The following CFAP54 variants were observed in gnomAD, a reference collection of about 807,000 sequenced individuals.
CFAP54 encodes the protein cilia and flagella associated protein 54.
In CFAP54, 290 loss-of-function variants were observed where a neutral mutation model predicts 370.4. The ratio of observed to expected loss-of-function variants is 0.78; its 90% confidence interval spans 0.71 to 0.86. CFAP54 has a LOEUF of 0.86. CFAP54 is among the 40% of genes least tolerant of loss of function. CFAP54 has a pLI of 0.00. For synonymous variants in CFAP54, 1,206 were observed against 1,236.5 expected (o/e 0.98, Z 0.52); for missense variants, 3,399 against 3,528.7 (o/e 0.96, Z 0.93).
At position 96,777,443 on chromosome 12, in the gene CFAP54, G is replaced by A. The variant is rs543072433; in HGVS notation, c.8282-7274G>A. Among the ~76,000 whole-genome samples the A allele has an allele frequency of 4.2e-3, 631 of 151,504 alleles. 5 individuals are homozygous for A. The highest frequency in any genetic ancestry group is 6.7e-3 in the Non-Finnish European group (454 of 67,900). ...CGCCTCCCTGCAACCTCCGCCTCCCGGGTTCAAGTGATTCTCCTGCCTCAG... is the reference window on the plus strand; with the variant it reads ...CGCCTCCCTGCAACCTCCGCCTCCCAGGTTCAAGTGATTCTCCTGCCTCAG... On this transcript the variant is annotated intron_variant, in intron 60 of 67. Coordinates refer to ENST00000524981, the MANE Select transcript of CFAP54 (RefSeq NM_001306084.2).
chr12:96,678,778 G>A lies in CFAP54; in HGVS notation c.5564-822G>A, dbSNP rs188385533. Among the ~76,000 whole-genome samples, 539 of 152,174 alleles carry A rather than the reference G, an allele frequency of 3.5e-3. 3 individuals carry two copies. The highest frequency in any genetic ancestry group is 5.3e-3 in the Non-Finnish European group (360 of 68,012). On this transcript the variant is annotated intron_variant, in intron 39 of 67. Coordinates refer to ENST00000524981, the MANE Select transcript of CFAP54 (RefSeq NM_001306084.2). ...GACTTTATTACTCCAGTGTTGGAGT[G>A]TCCCATCCCTTCAGCTAGATAGTGA...
chr12:96,573,299 A>G (rs1045941668), intron 19 of CFAP54, among the ~76,000 whole-genome samples: 3 of 152,238 alleles, frequency 2.0e-5, no homozygotes, highest in Non-Finnish European at 4.4e-5. Context: ...TTAATGTTCA[A>G]AATATAATAG....
chr12:96,832,177 T>C (rs1959173070), intron 66 of CFAP54, among the ~76,000 whole-genome samples: 1 of 152,070 alleles, frequency 6.6e-6, no homozygotes. Context: ...CTGTCATCCA[T>C]GTAAGACATG....
Position 96,743,878 on chromosome 12 carries a change from T to C in CFAP54, c.7525T>C (p.Leu2509=). 6.2e-7 allele frequency: 1 copy of C among 1,613,688 alleles called. No homozygotes were observed. The highest frequency in any genetic ancestry group is 8.5e-7 in the Non-Finnish European group (1 of 1,179,836). Reference sequence around the variant, plus strand: ...TTCAAAAACAGGAAAATTAAATTTGTTAACTCGGGCTCATAGCATTCTAAC... The same window carrying C: ...TTCAAAAACAGGAAAATTAAATTTGCTAACTCGGGCTCATAGCATTCTAAC... ...PSSKTGKLNL[L]TRAHSILTEQ... is the part of the protein sequence containing the mutation. The change falls in exon 54 of 68, where the codon TTA becomes CTA. Residue 2509 remains leucine, a synonymous_variant. Transcript: ENST00000524981.
intron 25 of CFAP54, among the ~76,000 whole-genome samples, chr12:96,595,954 T>A (rs1316551891): frequency 6.6e-6 from 1 of 152,180 alleles, no homozygotes; most frequent in Non-Finnish European, 1.5e-5. Context: ...TTCAATGTAC[T>A]TCACATTTCT....
At chr12:96,603,995 C>G (rs552651445) in intron 26 of CFAP54, among the ~76,000 whole-genome samples, 1 of 152,296 alleles carries the variant, frequency 6.6e-6, no homozygotes, top group African/African-American at 2.4e-5. Context: ...GGTTTTGTCC[C>G]CTTGCTGGTG....
intron 14 of CFAP54, among the ~76,000 whole-genome samples, chr12:96,541,270 T>C (rs1370881676): frequency 6.6e-6 from 1 of 151,442 alleles, no homozygotes; most frequent in Non-Finnish European, 1.5e-5. Context: ...CTTTCTTTCT[T>C]TTTTCACTTT....
chr12:96,664,759 A>C (rs1286632510), intron 39 of CFAP54, among the ~76,000 whole-genome samples: 9 of 26,122 alleles, frequency 3.4e-4, no homozygotes, highest in South Asian at 1.3e-3. Context: ...ATATATCTAT[A>C]TATATCTATA....
In CFAP54 at chr12:96,724,124, C is replaced by T. The variant is rs369264342; in HGVS notation, c.6965+3559C>T. 4.4e-4 allele frequency among the ~76,000 whole-genome samples: 66 copies of T among 150,734 alleles called. No homozygotes were observed. The East Asian group carries it at 8.5e-3, about 19-fold the overall frequency. ...AAGTCTTTGCTATTGTGAATAGTGC[C>T]GCAATAAACATACATGTGCATGTGT... On this transcript the variant is annotated intron_variant, in intron 50 of 67. Transcript: ENST00000524981.
At chr12:96,791,051 G>A (rs1353937581) in intron 62 of CFAP54, among the ~76,000 whole-genome samples, 1 of 152,122 alleles carries the variant, frequency 6.6e-6, no homozygotes, top group Admixed American at 6.6e-5. Flanking sequence ...AATACTGCTT[G>A]GTCCTCAAAC....
At chr12:96,872,045 AT>A (rs113913225) in intron 67 of CFAP54, among the ~76,000 whole-genome samples, 1,551 of 152,232 alleles carry the variant, frequency 0.01, 27 homozygotes, top group African/African-American at 0.035. Context: ...TTCAGATTTG[AT>A]TTAAAATATT....
chr12:96,727,830 A>C (rs1172882247), intron 50 of CFAP54, among the ~76,000 whole-genome samples: 2 of 150,964 alleles, frequency 1.3e-5, no homozygotes, highest in African/African-American at 4.9e-5. Flanking sequence ...GTTCCTTTCC[A>C]TGTTTAGTGC....
chr12:96,501,680 T>C (rs1261964147), intron 2 of CFAP54, among the ~76,000 whole-genome samples: 1 of 152,206 alleles, frequency 6.6e-6, no homozygotes, highest in Non-Finnish European at 1.5e-5. Flanking sequence ...TGGGCAGTGT[T>C]CAGTGTTTTC....
Position 96,647,943 on chromosome 12 carries a change from T to G in CFAP54, c.4616T>G (p.Leu1539Trp). 2 of 1,523,340 alleles carry G rather than the reference T, an allele frequency of 1.3e-6. No individual in the cohort carries two copies. Among genetic ancestry groups the G allele is most frequent in the Non-Finnish European group, 1.7e-6 (2 of 1,142,990 alleles). The allele number at this position is 1,523,340 out of a possible 1,614,324, so 94.4% of individuals were successfully genotyped here. A position where few individuals can be genotyped will look rare whatever the true frequency, so the allele number is the denominator to read the frequency against. ...NSGTVLPTRK[L>W]TVENYKAMLD... ...GGAACAGTATTACCAACAAGAAAAT[T>G]GACTGTAGAAAATTATAAAGCAATG... is the stretch of plus-strand genomic sequence containing the variant. The change falls in exon 34 of 68, where the codon TTG becomes TGG. Residue 1539 changes from leucine (L) to tryptophan (W), a missense_variant. By Grantham distance (61) the Leu-to-Trp change is moderately conservative. Around this residue, in one of 3 missense-constraint regions of CFAP54, gnomAD observed 2,796 missense variants for 2,869.7 expected, o/e 0.97. Transcript: ENST00000524981.
At chr12:96,680,673 C>A (rs78802246) in intron 40 of CFAP54, among the ~76,000 whole-genome samples, 2 of 151,970 alleles carry the variant, frequency 1.3e-5, no homozygotes, top group African/African-American at 4.8e-5. Context: ...GCCCACCCCC[C>A]ACACTTTCTA....
intron 45 of CFAP54, among the ~76,000 whole-genome samples, chr12:96,695,854 A>G (rs1565945191): frequency 1.3e-5 from 2 of 152,216 alleles, no homozygotes; most frequent in Admixed American, 6.5e-5. Context: ...TAAAAGCACC[A>G]TGTTAGTAAC....
rs146982869 is a variant in CFAP54 at position 96,701,454 on chromosome 12, C to T, written c.6474+1361C>T. Among the ~76,000 whole-genome samples, 6 of 152,166 alleles carry T rather than the reference C, an allele frequency of 3.9e-5. 1 individual carries two copies. The highest frequency in any genetic ancestry group is 8.8e-5 in the Non-Finnish European group (6 of 67,992). ...AAGACAGCAGGGGGGCTCCTGCTTT[C>T]CTGGAGCTTACAGTCCAGTGAGGAA... On this transcript the variant is annotated intron_variant, in intron 46 of 67. Transcript: ENST00000524981.
intron 60 of CFAP54, among the ~76,000 whole-genome samples, chr12:96,770,785 G>T (rs1958452886): frequency 6.6e-6 from 1 of 152,224 alleles, no homozygotes; most frequent in Non-Finnish European, 1.5e-5. Context: ...ATGAGGCAAG[G>T]TGCTCATTCA....
chr12:96,802,771 A>T (rs1958835452), intron 63 of CFAP54, among the ~76,000 whole-genome samples: 1 of 151,982 alleles, frequency 6.6e-6, no homozygotes, highest in Non-Finnish European at 1.5e-5. Context: ...TCAACCTGTC[A>T]TCTAGGTTTT....
Sources: gnomAD v4.1 joint callset for allele counts (sites outside exome capture counted in the v4.1 genomes callset) on GRCh38, gnomAD v4.1.1 for gene constraint, gnomAD v4.1.1 regional missense constraint, MANE v1.5 for transcripts, NCBI Gene and HGNC (gene_info 2026-07-23, HGNC 2026-07-21) for gene names.